Variants in EBF1 observed in about 807,000 individuals in gnomAD.
The protein encoded by EBF1 is EBF transcription factor 1.
EBF1 carries 10 observed loss-of-function variants against 68.4 expected under a neutral mutation model. That is an observed-to-expected ratio of 0.15 (90% CI 0.09 to 0.25). The LOEUF is 0.25. Among genes scored for constraint, EBF1 ranks in the 10% least tolerant of loss-of-function variants. EBF1 has a pLI of 1.00. For missense variants in EBF1, 509 were observed against 794.4 expected (o/e 0.64, Z 4.32); for synonymous variants, 298 against 299.8 (o/e 0.99, Z 0.06).
chr5:158,752,783 T>A (rs899881185), intron 10 of EBF1, among the ~76,000 whole-genome samples: 1 of 152,082 alleles, frequency 6.6e-6, no homozygotes, highest in Admixed American at 6.6e-5. Context: ...TTGTAAAATC[T>A]TGATAAGTTA....
At chr5:158,787,015 G>A (rs1051197313) in intron 9 of EBF1, among the ~76,000 whole-genome samples, 2 of 152,120 alleles carry the variant, frequency 1.3e-5, no homozygotes, top group African/African-American at 4.8e-5. Context: ...GATATACATT[G>A]ATACTAGCAC....
At chr5:158,714,790 T>C (rs1164556173) in intron 11 of EBF1, among the ~76,000 whole-genome samples, 1 of 152,212 alleles carries the variant, frequency 6.6e-6, no homozygotes, top group African/African-American at 2.4e-5. Context: ...GCACCAATTT[T>C]CATTACTGGC....
At chr5:159,002,996 C>T (rs528306290) in intron 6 of EBF1, among the ~76,000 whole-genome samples, 163 of 152,296 alleles carry the variant, frequency 1.1e-3, no homozygotes, top group South Asian at 5.8e-3. Flanking sequence ...TCACTCTTTA[C>T]TCATGATGCA....
chr5:158,778,111 G>T (rs751927326), intron 9 of EBF1, among the ~76,000 whole-genome samples: 12 of 152,018 alleles, frequency 7.9e-5, no homozygotes, highest in Non-Finnish European at 1.6e-4. Flanking sequence ...CAGAACTAAG[G>T]ACTCTCCATA....
intron 9 of EBF1, among the ~76,000 whole-genome samples, chr5:158,790,501 G>GA (rs60131709): frequency 0.18 from 26,546 of 149,308 alleles, 2,529 homozygotes; most frequent in Non-Finnish European, 0.22. Context: ...GATCCTTGGG[G>GA]AAAAAAAAAA....
intron 6 of EBF1, among the ~76,000 whole-genome samples, chr5:158,967,473 A>G (rs772515841): frequency 6.6e-6 from 1 of 152,168 alleles, no homozygotes; most frequent in Non-Finnish European, 1.5e-5. Context: ...CCCACCTTCC[A>G]GCCTTTCAAT....
intron 8 of EBF1, among the ~76,000 whole-genome samples, chr5:158,812,837 C>T (rs986412590): frequency 6.6e-5 from 10 of 152,120 alleles, no homozygotes; most frequent in African/African-American, 2.4e-4. Flanking sequence ...CTAATTTCTG[C>T]TCTCTGACAT....
At chr5:158,869,131 G>A (rs1480920281) in intron 6 of EBF1, among the ~76,000 whole-genome samples, 4 of 152,066 alleles carry the variant, frequency 2.6e-5, no homozygotes, top group Admixed American at 6.6e-5. Context: ...TAAAAGTAAG[G>A]CAAAAATGGA....
intron 6 of EBF1, among the ~76,000 whole-genome samples, chr5:159,053,563 G>C (rs1392937611): frequency 6.6e-6 from 1 of 150,808 alleles, no homozygotes; most frequent in African/African-American, 2.4e-5. Flanking sequence ...TGTTGATCTG[G>C]CATTGGGTAT....
chr5:159,002,742 G>C (rs562444235), intron 6 of EBF1, among the ~76,000 whole-genome samples: 15 of 152,308 alleles, frequency 9.8e-5, no homozygotes, highest in Admixed American at 5.2e-4. Flanking sequence ...CTTGAAAGCA[G>C]TACTTCATCT....
intron 6 of EBF1, among the ~76,000 whole-genome samples, chr5:158,907,930 A>G (rs1291190651): frequency 6.6e-6 from 1 of 152,106 alleles, no homozygotes; most frequent in Non-Finnish European, 1.5e-5. Flanking sequence ...TAAGTAATCG[A>G]GAAATTAGAA....
At chr5:158,749,499 G>A (rs1051502779) in intron 10 of EBF1, among the ~76,000 whole-genome samples, 2 of 152,040 alleles carry the variant, frequency 1.3e-5, no homozygotes, top group South Asian at 4.1e-4. Context: ...TTGAAACTTT[G>A]GTGTGGAAGG....
intron 6 of EBF1, among the ~76,000 whole-genome samples, chr5:159,026,564 T>C (rs996939111): frequency 1.3e-5 from 2 of 152,100 alleles, no homozygotes; most frequent in African/African-American, 4.8e-5. Context: ...CCATTGCTCT[T>C]ACCATCCCAA....
intron 6 of EBF1, among the ~76,000 whole-genome samples, chr5:158,951,984 T>C (rs938736876): frequency 3.3e-5 from 5 of 152,110 alleles, no homozygotes; most frequent in African/African-American, 1.2e-4. Flanking sequence ...CAGAAACAAA[T>C]GAAGTCGACT....
intron 11 of EBF1, among the ~76,000 whole-genome samples, chr5:158,727,541 G>A (rs1052087116): frequency 3.9e-5 from 6 of 152,252 alleles, no homozygotes; most frequent in African/African-American, 7.2e-5. Flanking sequence ...AGAGAAAGGC[G>A]AAACTGTATG....
At chr5:158,765,098 G>A (rs529087381) in intron 10 of EBF1, among the ~76,000 whole-genome samples, 4 of 152,214 alleles carry the variant, frequency 2.6e-5, no homozygotes, top group African/African-American at 4.8e-5. Context: ...TTTGACCCCC[G>A]ATACAGAACA....
At chr5:158,757,304 C>T (rs1014816725) in intron 10 of EBF1, among the ~76,000 whole-genome samples, 5 of 152,170 alleles carry the variant, frequency 3.3e-5, no homozygotes, top group Admixed American at 6.6e-5. Context: ...TACCCCTGCA[C>T]TCTCCTTCCT....
intron 10 of EBF1, among the ~76,000 whole-genome samples, chr5:158,761,923 TAAATC>T (rs1269769004): frequency 1.1e-4 from 16 of 152,216 alleles, no homozygotes; most frequent in African/African-American, 3.9e-4. Context: ...TAGTTCTACT[TAAATC>T]AATGAGTCTT....
intron 6 of EBF1, among the ~76,000 whole-genome samples, chr5:158,956,395 T>C (rs1817082358): frequency 6.6e-6 from 1 of 151,052 alleles, no homozygotes; most frequent in Admixed American, 6.6e-5. Context: ...TTCAAGAGGG[T>C]TTTCAAAACT....
Sources: gnomAD v4.1 joint callset for allele counts (sites outside exome capture counted in the v4.1 genomes callset) on GRCh38, gnomAD v4.1.1 for gene constraint, MANE v1.5 for transcripts, NCBI Gene and HGNC (gene_info 2026-07-23, HGNC 2026-07-21) for gene names.